Variants in TRPC6 observed in about 807,000 individuals in gnomAD.
TRPC6 encodes the protein short transient receptor potential channel 6.
TRPC6 carries 55 observed loss-of-function variants against 90.7 expected under a neutral mutation model. The ratio of observed to expected loss-of-function variants is 0.61; its 90% confidence interval spans 0.49 to 0.76. TRPC6 has a LOEUF of 0.76. Among genes scored for constraint, TRPC6 ranks in the 30% least tolerant of loss-of-function variants. TRPC6 has a pLI of 0.00. For missense variants in TRPC6, 989 were observed against 1,122.7 expected (o/e 0.88, Z 1.70); for synonymous variants, 393 against 393.0 (o/e 1.00, Z 0.00).
chr11:101,491,204 T>C lies in TRPC6; in HGVS notation c.1128+352A>G, dbSNP rs148291932. 4.5e-3 allele frequency among the ~76,000 whole-genome samples: 682 copies of C among 152,180 alleles called. 3 individuals carry two copies. The highest frequency in any genetic ancestry group is 0.016 in the African/African-American group (649 of 41,524). ...GCTCACGCCTGCAATCCCAGCACTT[T>C]AGGAGGCCGAGGCGGGCGGATCACA... On this transcript the variant is annotated intron_variant, in intron 3 of 12. Transcript: ENST00000344327.
chr11:101,560,222 A>G (rs1391071808), intron 1 of TRPC6, among the ~76,000 whole-genome samples: 1 of 152,082 alleles, frequency 6.6e-6, no homozygotes, highest in Non-Finnish European at 1.5e-5. Context: ...AGCCCGTTAT[A>G]TACTTCTTTT....
intron 1 of TRPC6, among the ~76,000 whole-genome samples, chr11:101,535,235 A>G (rs12294092): frequency 0.017 from 1,485 of 86,132 alleles, 32 homozygotes; most frequent in African/African-American, 0.028. Flanking sequence ...AGGAAGGAAG[A>G]AAACACAAAG....
Position 101,571,125 on chromosome 11 carries a change from T to C in TRPC6, c.170+12209A>G, listed in dbSNP as rs184529463. The stretch of plus-strand genomic sequence containing the variant: ...TGATTGTATATTTAGAAAACCCCAT[T>C]GTCTCAGCCCAAAATCTCCTTAAGC... On this transcript the variant is annotated intron_variant, in intron 1 of 12. Coordinates refer to ENST00000344327, the MANE Select transcript of TRPC6 (RefSeq NM_004621.6). 3.9e-3 allele frequency among the ~76,000 whole-genome samples: 599 copies of C among 152,202 alleles called. 1 individual carries two copies. Among genetic ancestry groups the C allele is most frequent in the African/African-American group, 0.014 (574 of 41,532 alleles).
chr11:101,460,204 T>G (rs1362472101), intron 10 of TRPC6, among the ~76,000 whole-genome samples: 1 of 152,190 alleles, frequency 6.6e-6, no homozygotes, highest in Non-Finnish European at 1.5e-5. Flanking sequence ...CAACTGTATA[T>G]TATATGAAGT....
chr11:101,514,841 T>C (rs554150936), intron 1 of TRPC6, among the ~76,000 whole-genome samples: 2 of 152,246 alleles, frequency 1.3e-5, no homozygotes, highest in African/African-American at 4.8e-5. Flanking sequence ...GTGGACAAAT[T>C]GAGGGAAACT....
chr11:101,542,412 T>C (rs1046093527), intron 1 of TRPC6, among the ~76,000 whole-genome samples: 4 of 152,206 alleles, frequency 2.6e-5, no homozygotes, highest in Non-Finnish European at 4.4e-5. Flanking sequence ...GATCTAGCTT[T>C]GTTAGGTAGT....
chr11:101,570,227 A>G (rs903000350), intron 1 of TRPC6, among the ~76,000 whole-genome samples: 1 of 152,246 alleles, frequency 6.6e-6, no homozygotes, highest in African/African-American at 2.4e-5. Context: ...AACTACCATC[A>G]GAGAATACTA....
chr11:101,521,915 T>C (rs1280037185), intron 1 of TRPC6, among the ~76,000 whole-genome samples: 1 of 152,238 alleles, frequency 6.6e-6, no homozygotes, highest in African/African-American at 2.4e-5. Context: ...ATTTACCCAA[T>C]GCCTGTACCC....
In TRPC6 at chr11:101,583,463, GA is replaced by G; in HGVS notation, c.40del (p.Ser14LeufsTer66). 6.5e-7 allele frequency: 1 copy of G among 1,528,476 alleles called. No homozygotes were observed. Among genetic ancestry groups the G allele is most frequent in the Non-Finnish European group, 8.8e-7 (1 of 1,135,922 alleles). 94.7% of individuals were successfully genotyped at this position (1,528,476 alleles called of 1,614,324 possible). On this transcript the variant is annotated frameshift_variant, in exon 1 of 13. Coordinates refer to ENST00000344327, the MANE Select transcript of TRPC6 (RefSeq NM_004621.6). LOFTEE classifies it high-confidence loss of function. ...SPAFGPRRGS[S>X]PRGAAGAAAR... ...AGCGGCTCCGGCAGCGCCCCGGGGAGAACTGCCCCTCCGGGGCCCGAACGCC... is the reference window on the plus strand; with the variant it reads ...AGCGGCTCCGGCAGCGCCCCGGGGAGACTGCCCCTCCGGGGCCCGAACGCC...
At chr11:101,507,047 AC>A (rs1565222867) in intron 1 of TRPC6, among the ~76,000 whole-genome samples, 1 of 146,106 alleles carries the variant, frequency 6.8e-6, no homozygotes, top group Non-Finnish European at 1.5e-5. Flanking sequence ...ACACACACAC[AC>A]ACAGACCCCC....
intron 1 of TRPC6, among the ~76,000 whole-genome samples, chr11:101,530,644 T>C (rs1315687465): frequency 6.6e-6 from 1 of 151,394 alleles, no homozygotes; most frequent in Non-Finnish European, 1.5e-5. Flanking sequence ...AGTGGACCCT[T>C]GTACCAGTAC....
rs1192568508 is a variant in TRPC6 at position 101,583,449 on chromosome 11, C to G, written c.55G>C (p.Ala19Pro). 4.5e-6 allele frequency: 7 copies of G among 1,539,608 alleles called. No homozygotes were observed. Among genetic ancestry groups the G allele is most frequent in the Non-Finnish European group, 6.1e-6 (7 of 1,142,076 alleles). Residue 19 changes from alanine to proline, a missense_variant, in exon 1 of 13, where the codon GCC becomes CCC. Coordinates refer to ENST00000344327, the MANE Select transcript of TRPC6 (RefSeq NM_004621.6). Reference protein sequence around the residue: ...PRRGSSPRGAAGAAARRNESQ... With the variant: ...PRRGSSPRGAPGAAARRNESQ... ...TCGTTGCGCCGCGCAGCGGCTCCGG[C>G]AGCGCCCCGGGGAGAACTGCCCCTC...
chr11:101,510,635 C>G (rs1860374728), intron 1 of TRPC6, among the ~76,000 whole-genome samples: 1 of 152,136 alleles, frequency 6.6e-6, no homozygotes, highest in South Asian at 2.1e-4. Flanking sequence ...GCCACCACCC[C>G]TATGGCACTC....
intron 3 of TRPC6, among the ~76,000 whole-genome samples, chr11:101,490,015 T>A (rs191076281): frequency 9.2e-5 from 14 of 152,300 alleles, no homozygotes; most frequent in Non-Finnish European, 1.9e-4. Context: ...ACACCATTTT[T>A]GAAGGGAAAC....
intron 3 of TRPC6, among the ~76,000 whole-genome samples, chr11:101,490,792 C>G (rs1184664546): frequency 6.6e-6 from 1 of 152,086 alleles, no homozygotes; most frequent in Non-Finnish European, 1.5e-5. Flanking sequence ...TCTAAGAAAG[C>G]AGAGAATGGG....
chr11:101,457,442 C>T (rs1402848562), intron 10 of TRPC6, among the ~76,000 whole-genome samples: 1 of 152,112 alleles, frequency 6.6e-6, no homozygotes, highest in Admixed American at 6.6e-5. Context: ...TTAAAAAGAA[C>T]AAGTAATTTT....
intron 2 of TRPC6, among the ~76,000 whole-genome samples, chr11:101,496,096 G>C (rs1240949593): frequency 1.3e-5 from 2 of 152,052 alleles, no homozygotes; most frequent in Non-Finnish European, 2.9e-5. Flanking sequence ...GAGAGAGAGA[G>C]AGAGTGAAGG....
At chr11:101,583,300 C>T in intron 1 of TRPC6, 34 bp downstream of exon 1, 3 of 1,552,686 alleles carry the variant, frequency 1.9e-6, no homozygotes, top group Non-Finnish European at 2.6e-6. Flanking sequence ...CCGCGCAGCC[C>T]GCGCCCGATC....
At chr11:101,477,476 A>T (rs1010617338) in intron 5 of TRPC6, among the ~76,000 whole-genome samples, 5 of 152,192 alleles carry the variant, frequency 3.3e-5, no homozygotes, top group African/African-American at 1.2e-4. Flanking sequence ...TAAAACCAGC[A>T]CAGTGACAGC....
Sources: allele counts gnomAD v4.1 joint callset (sites outside exome capture counted in the v4.1 genomes callset), GRCh38; gene constraint gnomAD v4.1.1; transcripts MANE v1.5; gene names NCBI Gene and HGNC (gene_info 2026-07-23, HGNC 2026-07-21).